The following GRIN2B variants were observed in gnomAD, a reference collection of about 807,000 sequenced individuals.
GRIN2B encodes the protein glutamate ionotropic receptor NMDA type subunit 2B.
GRIN2B carries 5 observed loss-of-function variants against 114.5 expected under a neutral mutation model. The observed-to-expected ratio is 0.04, with a 90% CI of 0.02 to 0.09. The LOEUF is 0.09. Ranked by LOEUF, GRIN2B falls within the 10% of genes least tolerant of loss-of-function variation. The pLI is 1.00. For missense variants in GRIN2B, 1,108 were observed against 1,943.5 expected (o/e 0.57, Z 8.08); for synonymous variants, 787 against 745.1 (o/e 1.06, Z -0.92).
chr12:13,731,526 G>A (rs962801677), intron 4 of GRIN2B, among the ~76,000 whole-genome samples: 15 of 152,200 alleles, frequency 9.9e-5, no homozygotes, highest in Middle Eastern at 3.4e-3. Flanking sequence ...GCATGAACTC[G>A]GGAGGTGGAG....
intron 2 of GRIN2B, among the ~76,000 whole-genome samples, chr12:13,877,279 T>A (rs1381424681): frequency 6.6e-6 from 1 of 152,020 alleles, no homozygotes. Context: ...AGACTATACC[T>A]CAAAGAGAGC....
Position 13,759,048 on chromosome 12 carries a change from G to A in GRIN2B, c.412-5133C>T, listed in dbSNP as rs932698395. Among the ~76,000 whole-genome samples, 4 of 112,204 alleles carry A rather than the reference G, an allele frequency of 3.6e-5. No homozygotes were observed. In the East Asian group the frequency reaches 9.1e-4, roughly 25 times the overall value. 73.6% of individuals were successfully genotyped at this position (112,204 alleles called of 152,430 possible). A position where few individuals can be genotyped will look rare whatever the true frequency, so the allele number is the denominator to read the frequency against. On this transcript the variant is annotated intron_variant, in intron 3 of 13. Transcript: ENST00000609686. ...TTTTGAGACGAAGTCTCACTCTGTT[G>A]CCAGGCTGGAGGGCAGTGGCATGAT...
intron 3 of GRIN2B, among the ~76,000 whole-genome samples, chr12:13,754,279 G>A (rs953299897): frequency 2.6e-5 from 4 of 152,084 alleles, no homozygotes; most frequent in African/African-American, 7.2e-5. Context: ...GGCTCTAAAC[G>A]GCCTCATGTC....
intron 4 of GRIN2B, among the ~76,000 whole-genome samples, chr12:13,692,760 C>CTTTT (rs71067718): frequency 1.3e-3 from 67 of 52,102 alleles, no homozygotes; most frequent in African/African-American, 2.3e-3. Context: ...TCTTTCTTTT[C>CTTTT]TTTTTTTTTT....
chr12:13,692,760 C>CTTTCTTTT lies in GRIN2B; in HGVS notation c.1011-16902_1011-16901insAAAAGAAA, dbSNP rs1427827056. 8.4e-3 allele frequency among the ~76,000 whole-genome samples: 437 copies of CTTTCTTTT among 52,124 alleles called. 16 individuals carry two copies. The highest frequency in any genetic ancestry group is 0.021 in the African/African-American group (217 of 10,526). The allele number at this position is 52,124 out of a possible 152,430, so 34.2% of individuals were successfully genotyped here. On this transcript the variant is annotated intron_variant, in intron 4 of 13. Coordinates refer to ENST00000609686, the MANE Select transcript of GRIN2B (RefSeq NM_000834.5). ...ACTTATTTTCATTAATCTTTCTTTT[C>CTTTCTTTT]TTTTTTTTTTTTTTTTTTTTTTTTT...
intron 8 of GRIN2B, among the ~76,000 whole-genome samples, chr12:13,612,367 T>C (rs1282587952): frequency 6.6e-6 from 1 of 152,248 alleles, no homozygotes; most frequent in African/African-American, 2.4e-5. Context: ...CCTTTTCCCC[T>C]TGTATCATTT....
intron 10 of GRIN2B, among the ~76,000 whole-genome samples, chr12:13,588,868 A>G (rs996347857): frequency 1.3e-5 from 2 of 152,200 alleles, no homozygotes; most frequent in African/African-American, 4.8e-5. Flanking sequence ...TGAGGGGAGC[A>G]AGTCTTCTTG....
intron 3 of GRIN2B, among the ~76,000 whole-genome samples, chr12:13,819,657 A>C (rs967321377): frequency 3.9e-5 from 6 of 152,238 alleles, no homozygotes; most frequent in East Asian, 1.9e-4. Context: ...AAACACAAAA[A>C]TATGAGCACT....
chr12:13,968,999 T>C (rs1365939992), intron 2 of GRIN2B, among the ~76,000 whole-genome samples: 1 of 152,132 alleles, frequency 6.6e-6, no homozygotes, highest in Admixed American at 6.5e-5. Context: ...GGAACCAGAG[T>C]CTTCAGGTTC....
intron 3 of GRIN2B, among the ~76,000 whole-genome samples, chr12:13,784,064 AC>A (rs1244180219): frequency 6.6e-6 from 1 of 151,740 alleles, no homozygotes; most frequent in Non-Finnish European, 1.5e-5. Context: ...TCTACTAAAA[AC>A]TACAAAAAAT....
At chr12:13,935,444 C>A (rs1867108971) in intron 2 of GRIN2B, among the ~76,000 whole-genome samples, 2 of 152,178 alleles carry the variant, frequency 1.3e-5, no homozygotes, top group Non-Finnish European at 2.9e-5. Flanking sequence ...TAACAATACA[C>A]TGAATGATCC....
intron 2 of GRIN2B, among the ~76,000 whole-genome samples, chr12:13,916,712 T>C (rs7314105): frequency 0.29 from 28,140 of 96,642 alleles, 3,539 homozygotes; most frequent in East Asian, 0.58. Flanking sequence ...CATATACATA[T>C]ACACACACAC....
Position 13,554,295 on chromosome 12 carries a change from C to T in GRIN2B, c.*8488G>A, listed in dbSNP as rs758067484. On this transcript the variant is annotated 3_prime_UTR_variant, in exon 14 of 14. Transcript: ENST00000609686. ...GATAGCTGCCACTAGGGAGAAACAA[C>T]GAAAGTGTTATGGGCATTCATAAAA... The T allele has an allele frequency of 3.9e-5, 6 of 151,928 alleles. No homozygotes were observed. The highest frequency in any genetic ancestry group is 8.8e-5 in the Non-Finnish European group (6 of 67,980). The allele number at this position is 151,928 out of a possible 1,614,324, so 9.4% of individuals were successfully genotyped here.
chr12:13,921,095 T>C (rs1266834349), intron 2 of GRIN2B, among the ~76,000 whole-genome samples: 5 of 152,178 alleles, frequency 3.3e-5, no homozygotes, highest in African/African-American at 9.7e-5. Flanking sequence ...GGAAAGGGCA[T>C]ATTAAAATAA....
At chr12:13,663,882 T>C (rs1440128419) in intron 5 of GRIN2B, among the ~76,000 whole-genome samples, 1 of 152,182 alleles carries the variant, frequency 6.6e-6, no homozygotes, top group African/African-American at 2.4e-5. Context: ...AAAATGATAG[T>C]GAACACGAGA....
chr12:13,616,356 C>G, intron 6 of GRIN2B, 99 bp downstream of exon 6: 1 of 832,174 alleles, frequency 1.2e-6, no homozygotes, highest in African/African-American at 1.7e-5. Context: ...GACACAGTGC[C>G]CAATTCTCAT....
intron 5 of GRIN2B, among the ~76,000 whole-genome samples, chr12:13,667,122 T>A (rs1949983849): frequency 6.6e-6 from 1 of 152,036 alleles, no homozygotes; most frequent in African/African-American, 2.4e-5. Context: ...GAGTCTGAAT[T>A]TTACAAGCCC....
At chr12:13,631,817 G>A (rs146536514) in intron 5 of GRIN2B, among the ~76,000 whole-genome samples, 172 of 152,312 alleles carry the variant, frequency 1.1e-3, no homozygotes, top group African/African-American at 3.7e-3. Flanking sequence ...AAATGGGGTT[G>A]CCAGCTTGTG....
intron 2 of GRIN2B, among the ~76,000 whole-genome samples, chr12:13,922,630 G>A (rs1242947061): frequency 2.0e-5 from 3 of 152,172 alleles, no homozygotes; most frequent in Non-Finnish European, 4.4e-5. Context: ...GGCACCCGTG[G>A]TAAGTCCGGT....
Sources: gnomAD v4.1 joint callset for allele counts (sites outside exome capture counted in the v4.1 genomes callset) on GRCh38, gnomAD v4.1.1 for gene constraint, MANE v1.5 for transcripts, NCBI Gene and HGNC (gene_info 2026-07-23, HGNC 2026-07-21) for gene names.